The following BIRC6 variants were observed in gnomAD, a reference collection of about 807,000 sequenced individuals.
BIRC6 encodes baculoviral IAP repeat containing 6.
In BIRC6, 98 loss-of-function variants were observed where a neutral mutation model predicts 503.3. That is an observed-to-expected ratio of 0.19 (90% CI 0.17 to 0.23). The LOEUF is 0.23. Ranked by LOEUF, BIRC6 falls within the 10% of genes least tolerant of loss-of-function variation. The probability of loss-of-function intolerance (pLI) is 1.00; values close to 1 mark genes in which losing one functional copy is unlikely to be tolerated. For synonymous variants in BIRC6, 2,240 were observed against 2,078.7 expected (o/e 1.08, Z -2.11); for missense variants, 5,360 against 5,806.0 (o/e 0.92, Z 2.50).
chr2:32,484,597 G>A (rs1393169881), intron 39 of BIRC6, among the ~76,000 whole-genome samples: 1 of 151,230 alleles, frequency 6.6e-6, no homozygotes, highest in Non-Finnish European at 1.5e-5. Context: ...TACTGTAATA[G>A]TTTATTCGTT....
At chr2:32,468,226 G>A in intron 28 of BIRC6, 115 bp downstream of exon 28, 1 of 1,131,068 alleles carries the variant, frequency 8.8e-7, no homozygotes, top group African/African-American at 1.6e-5. Flanking sequence ...GAGAGCAAGA[G>A]GAAGTAGGAG....
intron 71 of BIRC6, among the ~76,000 whole-genome samples, chr2:32,605,396 TAA>T (rs762329199): frequency 3.9e-4 from 59 of 152,310 alleles, no homozygotes; most frequent in Middle Eastern, 3.4e-3. Context: ...GTTAAATAAA[TAA>T]AAGAGTCCTT....
At position 32,430,014 on chromosome 2, in the gene BIRC6, A is replaced by C. The variant is rs186048763; in HGVS notation, c.3022+719A>C. Among the ~76,000 whole-genome samples, 4 of 152,322 alleles carry C rather than the reference A, an allele frequency of 2.6e-5. 1 individual carries two copies. The East Asian group carries it at 7.7e-4, about 29-fold the overall frequency. On this transcript the variant is annotated intron_variant, in intron 11 of 73. Transcript: ENST00000421745. ...AGATGAATTTTGTAATGAAGAAATA[A>C]ATAATGGAAAGAAAGAAGATTGACA... is the stretch of plus-strand genomic sequence containing the variant.
chr2:32,480,660 A>G lies in BIRC6; in HGVS notation c.7409-660A>G, dbSNP rs559890218. 8.7e-5 allele frequency among the ~76,000 whole-genome samples: 4 copies of G among 45,912 alleles called. No individual in the cohort carries two copies. In the Admixed American group the frequency reaches 1.4e-3, roughly 16 times the overall value. 30.1% of individuals were successfully genotyped at this position (45,912 alleles called of 152,430 possible). On this transcript the variant is annotated intron_variant, in intron 37 of 73. Coordinates refer to ENST00000421745, the MANE Select transcript of BIRC6 (RefSeq NM_016252.4). ...TTTTTTTTTTTTTTTTTTTTTTTTG[A>G]GACGGAGTCTTGCTCTTGTCACCCA...
At chr2:32,576,128 TCATA>T (rs1254498876) in intron 66 of BIRC6, among the ~76,000 whole-genome samples, 1 of 152,234 alleles carries the variant, frequency 6.6e-6, no homozygotes, top group African/African-American at 2.4e-5. Flanking sequence ...CATAATAACC[TCATA>T]CATACATCTT....
chr2:32,453,995 A>C, intron 23 of BIRC6, 53 bp downstream of exon 23: 1 of 1,336,692 alleles, frequency 7.5e-7, no homozygotes. Flanking sequence ...GCAGTAATAA[A>C]GTGATATTTA....
chr2:32,389,196 T>C (rs1429099505), intron 4 of BIRC6, among the ~76,000 whole-genome samples: 1 of 152,180 alleles, frequency 6.6e-6, no homozygotes, highest in Non-Finnish European at 1.5e-5. Context: ...TAAAGCCACA[T>C]TTTGGAAATT....
At chr2:32,450,689 G>A (rs2046611243) in intron 22 of BIRC6, among the ~76,000 whole-genome samples, 1 of 152,162 alleles carries the variant, frequency 6.6e-6, no homozygotes, top group South Asian at 2.1e-4. Context: ...CTCTCTATCC[G>A]TGGGGAATTG....
intron 23 of BIRC6, among the ~76,000 whole-genome samples, chr2:32,459,226 G>A (rs1273715479): frequency 6.6e-6 from 1 of 151,988 alleles, no homozygotes; most frequent in Non-Finnish European, 1.5e-5. Context: ...CAGTCACTTG[G>A]CAACCAGTAG....
chr2:32,545,737 T>C lies in BIRC6; in HGVS notation c.12687T>C (p.Asp4229=), dbSNP rs375695777. ...TTAGCACTACACCTTTGACAACTGA[T>C]GATGGTGTACTTCTAAGGCGGATGG... ...SLFSTTPLTT[D]DGVLLRRMAL... Residue 4229 remains aspartate (D), a synonymous_variant, in exon 63 of 74, where the codon GAT becomes GAC. Transcript: ENST00000421745. The C allele has an allele frequency of 1.2e-6, 2 of 1,613,882 alleles. No homozygotes were observed. The highest frequency in any genetic ancestry group is 1.1e-5 in the South Asian group (1 of 91,084).
intron 65 of BIRC6, among the ~76,000 whole-genome samples, chr2:32,573,246 C>T (rs1333987180): frequency 5.3e-5 from 8 of 151,994 alleles, no homozygotes; most frequent in African/African-American, 7.3e-5. Context: ...TCACCCAGGC[C>T]GGAGTGCAGT....
Position 32,434,724 on chromosome 2 carries a change from C to T in BIRC6, c.3410-772C>T, listed in dbSNP as rs147520940. Among the ~76,000 whole-genome samples, 58 of 151,946 alleles carry T rather than the reference C, an allele frequency of 3.8e-4. 1 individual carries two copies. The highest frequency in any genetic ancestry group is 1.3e-3 in the African/African-American group (53 of 41,460). Reference sequence around the variant, plus strand: ...AATTAGCTGGGTGTAGTGGTGCACACCTGTGGTGCTACTCAGGTGGCAGTA... The same window carrying T: ...AATTAGCTGGGTGTAGTGGTGCACATCTGTGGTGCTACTCAGGTGGCAGTA... On this transcript the variant is annotated intron_variant, in intron 13 of 73. Transcript: ENST00000421745.
In BIRC6 at chr2:32,531,517, G is replaced by A; in HGVS notation, c.12257G>A (p.Arg4086Lys). 2 of 1,613,336 alleles carry A rather than the reference G, an allele frequency of 1.2e-6. No individual in the cohort carries two copies. The highest frequency in any genetic ancestry group is 2.2e-5 in the East Asian group (1 of 44,842). ...GMGGLALIAE[R>K]LPMLYPEVIQ... ...GGTGGACTGGCTCTTATTGCTGAAA[G>A]ACTACCCATGCTATATCCAGAAGTA... is the stretch of plus-strand genomic sequence containing the variant. Residue 4086 changes from arginine to lysine, a missense_variant, in exon 61 of 74, where the codon AGA becomes AAA. Physicochemically the swap from Arg to Lys is conservative, Grantham distance 26. Transcript: ENST00000421745.
chr2:32,609,477 G>A (rs1409202638), intron 72 of BIRC6, among the ~76,000 whole-genome samples: 5 of 152,030 alleles, frequency 3.3e-5, no homozygotes, highest in Admixed American at 6.5e-5. Flanking sequence ...TTCTTAAATT[G>A]TGCTGGAAAG....
rs370324688 is a variant in BIRC6 at position 32,513,123 on chromosome 2, T to C, written c.10537T>C (p.Leu3513=). Residue 3513 remains leucine, a synonymous_variant, in exon 54 of 74, where the codon TTA becomes CTA. Transcript: ENST00000421745. ...HSYELLVEYD[L]PALLDQELFE... ...TTATGAGCTGCTTGTAGAATATGACTTACCAGCACTCCTGGACCAAGAGCT... is the reference window on the plus strand; with the variant it reads ...TTATGAGCTGCTTGTAGAATATGACCTACCAGCACTCCTGGACCAAGAGCT... The C allele has an allele frequency of 4.7e-5, 76 of 1,613,626 alleles. No homozygotes were observed. The highest frequency in any genetic ancestry group is 6.4e-5 in the Non-Finnish European group (75 of 1,179,782).
At chr2:32,571,955 A>G (rs1295597324) in intron 65 of BIRC6, among the ~76,000 whole-genome samples, 1 of 152,030 alleles carries the variant, frequency 6.6e-6, no homozygotes, top group Admixed American at 6.6e-5. Flanking sequence ...AAAATTTTTA[A>G]ATTTGCCTTA....
At chr2:32,509,185 G>A (rs2054128818) in intron 51 of BIRC6, among the ~76,000 whole-genome samples, 1 of 152,076 alleles carries the variant, frequency 6.6e-6, no homozygotes, top group Admixed American at 6.6e-5. Flanking sequence ...GAAAGTTTCT[G>A]GATGATTGCC....
At chr2:32,573,558 T>C (rs2060060064) in intron 65 of BIRC6, among the ~76,000 whole-genome samples, 1 of 152,150 alleles carries the variant, frequency 6.6e-6, no homozygotes, top group Non-Finnish European at 1.5e-5. Flanking sequence ...TAGATCCTTA[T>C]CTCACGTTAT....
chr2:32,416,266 G>T, intron 10 of BIRC6, 103 bp downstream of exon 10: 1 of 1,208,616 alleles, frequency 8.3e-7, no homozygotes, highest in Non-Finnish European at 1.1e-6. Flanking sequence ...TAGATGGGGA[G>T]GAATTAATTT....
Sources: gnomAD v4.1 joint callset for allele counts (sites outside exome capture counted in the v4.1 genomes callset) on GRCh38, gnomAD v4.1.1 for gene constraint, MANE v1.5 for transcripts, NCBI Gene and HGNC (gene_info 2026-07-23, HGNC 2026-07-21) for gene names.